Variants in COL19A1 observed in about 807,000 individuals in gnomAD.
COL19A1 encodes the protein collagen type XIX alpha 1 chain.
In COL19A1, 159 loss-of-function variants were observed where a neutral mutation model predicts 190.2. The observed-to-expected ratio is 0.84, with a 90% CI of 0.73 to 0.95. The LOEUF is 0.95. Ranked by LOEUF, COL19A1 falls within the 40% of genes least tolerant of loss-of-function variation. The pLI, the probability that COL19A1 is intolerant of heterozygous loss-of-function variation, is 0.00. For synonymous variants in COL19A1, 509 were observed against 458.9 expected (o/e 1.11, Z -1.39); for missense variants, 1,418 against 1,431.9 (o/e 0.99, Z 0.16).
intron 18 of COL19A1, among the ~76,000 whole-genome samples, chr6:70,132,699 G>A (rs776165363): frequency 9.5e-4 from 145 of 152,218 alleles, no homozygotes; most frequent in Non-Finnish European, 1.7e-3. Context: ...CAGAGACTCC[G>A]ATTTAGGGTA....
At chr6:69,996,607 A>T (rs1761554294) in intron 11 of COL19A1, among the ~76,000 whole-genome samples, 1 of 152,122 alleles carries the variant, frequency 6.6e-6, no homozygotes, top group African/African-American at 2.4e-5. Flanking sequence ...GTATTTTTTT[A>T]ATGTTTAAAT....
chr6:69,962,295 A>G (rs1774847031), intron 10 of COL19A1, among the ~76,000 whole-genome samples: 1 of 152,206 alleles, frequency 6.6e-6, no homozygotes, highest in African/African-American at 2.4e-5. Context: ...TGACTGAGCC[A>G]GCATAGTGGA....
At position 69,897,895 on chromosome 6, in the gene COL19A1, T is replaced by C. The variant is rs1418846081; in HGVS notation, c.92-1053T>C. Among the ~76,000 whole-genome samples, 3 of 152,170 alleles carry C rather than the reference T, an allele frequency of 2.0e-5. No homozygotes were observed. In the East Asian group the frequency reaches 5.8e-4, roughly 29 times the overall value. ...TTTGCAGTATATTTGCTTCTTATTT[T>C]TAAATTTGATTAAGTGGTAGCATTA... On this transcript the variant is annotated intron_variant, in intron 2 of 50. Transcript: ENST00000620364.
intron 27 of COL19A1, among the ~76,000 whole-genome samples, chr6:70,148,529 G>A (rs1053902662): frequency 6.6e-6 from 1 of 152,164 alleles, no homozygotes; most frequent in Non-Finnish European, 1.5e-5. Context: ...GAAAGCATAA[G>A]CAGTGAAGGG....
In COL19A1 at chr6:70,210,292, T is replaced by C. The variant is rs549800134; in HGVS notation, c.*3018T>C. On this transcript the variant is annotated 3_prime_UTR_variant, in exon 51 of 51. Coordinates refer to ENST00000620364, the MANE Select transcript of COL19A1 (RefSeq NM_001858.6). ...GATTAAAGTATGACTTCAATTCATA[T>C]TTATGGCCTTTGGAATCCAAAGAAA... Among the ~76,000 whole-genome samples the C allele has an allele frequency of 6.6e-6, 1 of 152,198 alleles. No homozygotes were observed. The highest frequency in any genetic ancestry group is 2.4e-5 in the African/African-American group (1 of 41,462).
At chr6:70,089,654 T>C (rs1327280904) in intron 15 of COL19A1, among the ~76,000 whole-genome samples, 1 of 152,192 alleles carries the variant, frequency 6.6e-6, no homozygotes, top group East Asian at 1.9e-4. Flanking sequence ...TTGTGTTTTC[T>C]AAATGTGATG....
chr6:69,949,922 G>T (rs1774028336), intron 9 of COL19A1, among the ~76,000 whole-genome samples: 1 of 151,716 alleles, frequency 6.6e-6, no homozygotes, highest in Non-Finnish European at 1.5e-5. Flanking sequence ...ATGTATCTCA[G>T]GTCTAATATT....
chr6:70,036,016 C>T (rs1779335700), intron 14 of COL19A1, 77 bp downstream of exon 14: 1 of 1,365,536 alleles, frequency 7.3e-7, no homozygotes, highest in East Asian at 2.3e-5. Flanking sequence ...CATGACTAAA[C>T]CAGAATTTAA....
At chr6:70,005,956 G>C (rs1777593722) in intron 11 of COL19A1, among the ~76,000 whole-genome samples, 1 of 152,180 alleles carries the variant, frequency 6.6e-6, no homozygotes, top group African/African-American at 2.4e-5. Flanking sequence ...GCCACAGCCA[G>C]TGTGTCAGGC....
intron 16 of COL19A1, among the ~76,000 whole-genome samples, chr6:70,112,033 A>G (rs541722632): frequency 8.5e-5 from 13 of 152,164 alleles, no homozygotes; most frequent in Non-Finnish European, 1.8e-4. Context: ...CATTCTACCA[A>G]CACTTTTAAA....
intron 17 of COL19A1, among the ~76,000 whole-genome samples, chr6:70,125,536 G>A (rs1785144247): frequency 6.6e-6 from 1 of 151,622 alleles, no homozygotes; most frequent in Non-Finnish European, 1.5e-5. Flanking sequence ...GCTCAGGTAT[G>A]AGAAACCCTC....
chr6:70,061,073 G>A (rs1780801772), intron 14 of COL19A1, among the ~76,000 whole-genome samples: 1 of 152,106 alleles, frequency 6.6e-6, no homozygotes, highest in African/African-American at 2.4e-5. Flanking sequence ...TTCATAATAA[G>A]TGATCGATAA....
intron 4 of COL19A1, among the ~76,000 whole-genome samples, chr6:69,921,913 T>C (rs1397565494): frequency 6.6e-6 from 1 of 152,044 alleles, no homozygotes; most frequent in East Asian, 1.9e-4. Context: ...GGAGTATCAC[T>C]GAATAAGCAA....
chr6:69,972,590 A>G (rs1343483001), intron 11 of COL19A1, among the ~76,000 whole-genome samples: 5 of 151,968 alleles, frequency 3.3e-5, no homozygotes, highest in African/African-American at 1.2e-4. Flanking sequence ...TTTTTTTCAG[A>G]CTCCTACTAT....
At chr6:70,194,690 A>G (rs1767082455) in intron 48 of COL19A1, among the ~76,000 whole-genome samples, 1 of 152,146 alleles carries the variant, frequency 6.6e-6, no homozygotes, top group African/African-American at 2.4e-5. Flanking sequence ...AGATCTGAGA[A>G]GTTTAATTCT....
At chr6:70,007,817 T>G (rs1464402078) in intron 11 of COL19A1, among the ~76,000 whole-genome samples, 1 of 152,008 alleles carries the variant, frequency 6.6e-6, no homozygotes, top group Non-Finnish European at 1.5e-5. Flanking sequence ...ATAGACTATA[T>G]TCTCCATTAC....
intron 14 of COL19A1, among the ~76,000 whole-genome samples, chr6:70,041,402 A>G (rs1779627075): frequency 6.6e-6 from 1 of 152,156 alleles, no homozygotes; most frequent in African/African-American, 2.4e-5. Context: ...TCCTTTTTAT[A>G]TTTCAAACTG....
At chr6:70,125,506 T>A (rs906739847) in intron 17 of COL19A1, among the ~76,000 whole-genome samples, 3 of 151,926 alleles carry the variant, frequency 2.0e-5, no homozygotes, top group Non-Finnish European at 4.4e-5. Flanking sequence ...CTATTTTCCT[T>A]ATGTCATCTG....
chr6:69,921,418 CAT>C (rs1324297036), intron 4 of COL19A1, among the ~76,000 whole-genome samples: 11 of 93,668 alleles, frequency 1.2e-4, no homozygotes, highest in African/African-American at 4.0e-4. Context: ...TATCATATAT[CAT>C]ATATATCATA....
Sources: allele counts gnomAD v4.1 joint callset (sites outside exome capture counted in the v4.1 genomes callset), GRCh38; gene constraint gnomAD v4.1.1; transcripts MANE v1.5; gene names NCBI Gene and HGNC (gene_info 2026-07-23, HGNC 2026-07-21).